EXOG: variants seen among roughly 807,000 people sequenced by gnomAD.
The protein encoded by EXOG is exo/endonuclease G, also known as nuclease EXOG, mitochondrial.
In EXOG, 27 loss-of-function variants were observed where a neutral mutation model predicts 25.8. The observed-to-expected ratio is 1.05, with a 90% CI of 0.77 to 1.45. The LOEUF (loss-of-function observed/expected upper bound fraction) is 1.45, where lower values mean the gene tolerates loss of function less well. Ranked by LOEUF, EXOG falls within the 40% of genes most tolerant of loss-of-function variation. The probability of loss-of-function intolerance (pLI) is 0.00; values close to 1 mark genes in which losing one functional copy is unlikely to be tolerated. For missense variants in EXOG, 458 were observed against 450.5 expected, an observed-to-expected ratio of 1.02 and a Z score of -0.15; for synonymous variants, 133 against 167.0, an observed-to-expected ratio of 0.80 and a Z score of 1.57.
Position 38,524,618 on chromosome 3 carries a change from G to T in EXOG, c.*256G>T. 1 of 1,145,994 alleles carries T rather than the reference G, an allele frequency of 8.7e-7. No individual in the cohort carries two copies. The highest frequency in any genetic ancestry group is 4.4e-5 in the East Asian group (1 of 22,480). 71.0% of individuals were successfully genotyped at this position (1,145,994 alleles called of 1,614,324 possible). ...CTACAGGCACACACCATCACCCTCAGCTACTAGTGGCTTTGCTTTAAAGAA... is the reference window on the plus strand; with the variant it reads ...CTACAGGCACACACCATCACCCTCATCTACTAGTGGCTTTGCTTTAAAGAA... On this transcript the variant is annotated 3_prime_UTR_variant, in exon 6 of 6. Transcript: ENST00000287675.
Position 38,501,514 on chromosome 3 carries a change from G to A in EXOG, c.453+20G>A. ...TCAAGTGTAGGCATACTTTGGGGGA[G>A]GGATGGGAATATGGGGCTGATGTTA... is the stretch of plus-strand genomic sequence containing the variant. On this transcript the variant is annotated intron_variant, in intron 3 of 5. Transcript: ENST00000287675. 1 of 1,612,456 alleles carries A rather than the reference G, an allele frequency of 6.2e-7. No homozygotes were observed. Among genetic ancestry groups the A allele is most frequent in the Non-Finnish European group, 8.5e-7 (1 of 1,178,598 alleles).
At chr3:38,504,005 C>G (rs1027846825) in intron 4 of EXOG, among the ~76,000 whole-genome samples, 9 of 152,076 alleles carry the variant, frequency 5.9e-5, no homozygotes. Flanking sequence ...TCAGTGAACA[C>G]TATTATTTTC....
rs10678824 is a variant in EXOG at position 38,514,778 on chromosome 3, C to CT, written c.645+7820dup. Among the ~76,000 whole-genome samples, 434 of 113,556 alleles carry CT rather than the reference C, an allele frequency of 3.8e-3. 5 individuals carry two copies. Among genetic ancestry groups the CT allele is most frequent in the African/African-American group, 0.011 (325 of 28,530 alleles). 74.5% of individuals were successfully genotyped at this position (113,556 alleles called of 152,430 possible). A position where few individuals can be genotyped will look rare whatever the true frequency, so the allele number is the denominator to read the frequency against. On this transcript the variant is annotated intron_variant, in intron 5 of 5. Transcript: ENST00000287675. Reference sequence around the variant, plus strand: ...TTCCACCCTCCCCCCCCTCCCCCTGCTTTTTTTTTTGAGACGGAGTTTTAC... The same window carrying CT: ...TTCCACCCTCCCCCCCCTCCCCCTGCTTTTTTTTTTTGAGACGGAGTTTTAC...
chr3:38,515,226 A>G (rs2060502575), intron 5 of EXOG, among the ~76,000 whole-genome samples: 1 of 152,180 alleles, frequency 6.6e-6, no homozygotes, highest in Non-Finnish European at 1.5e-5. Flanking sequence ...ATGTATGACA[A>G]GTTCTCTAGA....
chr3:38,497,572 G>A (rs1341708257), intron 1 of EXOG, 57 bp from the exon 2 acceptor site: 17 of 1,472,638 alleles, frequency 1.2e-5, no homozygotes, highest in Non-Finnish European at 1.4e-5. Context: ...GCCACTAATT[G>A]TGTGTGTGTG....
chr3:38,524,158 C>T lies in EXOG; in HGVS notation c.903C>T (p.Leu301=), dbSNP rs756294599. 3.1e-6 allele frequency: 5 copies of T among 1,614,036 alleles called. No individual in the cohort carries two copies. The highest frequency in any genetic ancestry group is 1.6e-4 in the Middle Eastern group (1 of 6,084). Reference sequence around the variant, plus strand: ...TCTGCTCTGTGGACACCTGTAAGCTCCTGGATTTCCAGGAGTTCACCTTGT... The same window carrying T: ...TCTGCTCTGTGGACACCTGTAAGCTTCTGGATTTCCAGGAGTTCACCTTGT... ...RNICSVDTCK[L]LDFQEFTLYL... Residue 301 remains leucine (L), a synonymous_variant, in exon 6 of 6, where the codon CTC becomes CTT. Coordinates refer to ENST00000287675, the MANE Select transcript of EXOG (RefSeq NM_005107.4).
chr3:38,521,473 T>C (rs1383655416), intron 5 of EXOG, among the ~76,000 whole-genome samples: 1 of 152,226 alleles, frequency 6.6e-6, no homozygotes, highest in Non-Finnish European at 1.5e-5. Flanking sequence ...GCAATGGGCA[T>C]GTTAATTATA....
At position 38,523,979 on chromosome 3, in the gene EXOG, G is replaced by A. The variant is rs368056983; in HGVS notation, c.724G>A (p.Glu242Lys). 6.2e-6 allele frequency: 10 copies of A among 1,613,526 alleles called. No individual in the cohort carries two copies. The highest frequency in any genetic ancestry group is 7.6e-6 in the Non-Finnish European group (9 of 1,179,808). The change falls in exon 6 of 6, where the codon GAA (glutamate) becomes AAA (lysine). Residue 242 changes from glutamate to lysine, a missense_variant. Physicochemically the swap from Glu to Lys is moderately conservative, Grantham distance 56. Coordinates refer to ENST00000287675, the MANE Select transcript of EXOG (RefSeq NM_005107.4). ...ILARRSSVST[E>K]PLALGAFVVP... is the part of the protein sequence containing the mutation. ...GGCCCGCAGAAGCTCAGTATCTACC[G>A]AACCACTGGCGCTAGGGGCCTTTGT...
chr3:38,524,508 T>C lies in EXOG; in HGVS notation c.*146T>C. 3 of 1,374,320 alleles carry C rather than the reference T, an allele frequency of 2.2e-6. No individual in the cohort carries two copies. The highest frequency in any genetic ancestry group is 2.9e-6 in the Non-Finnish European group (3 of 1,049,328). The allele number at this position is 1,374,320 out of a possible 1,614,324, so 85.1% of individuals were successfully genotyped here. A position where few individuals can be genotyped will look rare whatever the true frequency, so the allele number is the denominator to read the frequency against. ...TCTCGCCGTGTCATCCAGGCTGGAG[T>C]GCAGTGGTGGAATCATAGCTCACTA... On this transcript the variant is annotated 3_prime_UTR_variant, in exon 6 of 6. Transcript: ENST00000287675.
At chr3:38,498,677 C>T (rs1386845160) in intron 2 of EXOG, 4 of 247,638 alleles carry the variant, frequency 1.6e-5, no homozygotes, top group Non-Finnish European at 3.3e-5. Flanking sequence ...GTTGAATGTG[C>T]CATGGGATAT....
chr3:38,510,906 T>A (rs1559687156), intron 5 of EXOG, among the ~76,000 whole-genome samples: 1 of 152,110 alleles, frequency 6.6e-6, no homozygotes, highest in Non-Finnish European at 1.5e-5. Context: ...TTTCTTGTTT[T>A]TATTTTAAAG....
At chr3:38,496,985 C>T in intron 1 of EXOG, 1 of 1,064,716 alleles carries the variant, frequency 9.4e-7, no homozygotes, top group South Asian at 2.7e-5. Context: ...GAGTTAACTG[C>T]CCTTCTTTCG....
At position 38,496,685 on chromosome 3, in the gene EXOG, C is replaced by T. The variant is rs189109342; in HGVS notation, c.163+155C>T. 2,133 of 1,439,624 alleles carry T rather than the reference C, an allele frequency of 1.5e-3. 21 individuals are homozygous for T. Among genetic ancestry groups the T allele is most frequent in the Middle Eastern group, 0.013 (57 of 4,538 alleles). 89.2% of individuals were successfully genotyped at this position (1,439,624 alleles called of 1,614,324 possible). ...TCTGACCTTTATTCTCCCGGCTCGG[C>T]CTCCCTTCCCCACCTCGCGTCTCGC... On this transcript the variant is annotated intron_variant, in intron 1 of 5. Transcript: ENST00000287675.
chr3:38,522,823 A>G (rs2060762158), intron 5 of EXOG, among the ~76,000 whole-genome samples: 1 of 152,206 alleles, frequency 6.6e-6, no homozygotes, highest in Non-Finnish European at 1.5e-5. Context: ...ATTGGAAGGA[A>G]ATTTGAAAAG....
intron 5 of EXOG, among the ~76,000 whole-genome samples, chr3:38,513,205 A>C (rs369760830): frequency 3.7e-4 from 57 of 152,328 alleles, no homozygotes; most frequent in African/African-American, 1.2e-3. Flanking sequence ...AACAATTGGC[A>C]TATACTCCCA....
At position 38,526,218 on chromosome 3, in the gene EXOG, C is replaced by T. The variant is rs182064917; in HGVS notation, c.*1856C>T. 10 of 985,022 alleles carry T rather than the reference C, an allele frequency of 1.0e-5. No homozygotes were observed. The highest frequency in any genetic ancestry group is 1.1e-4 in the East Asian group (1 of 8,810). 61.0% of individuals were successfully genotyped at this position (985,022 alleles called of 1,614,324 possible). On this transcript the variant is annotated 3_prime_UTR_variant, in exon 6 of 6. Transcript: ENST00000287675. ...TCATACATACCACTGCTGTCTTTTC[C>T]GAGTGGTATTACAAGAAAGATTTTT...
At chr3:38,518,950 G>A (rs1012560180) in intron 5 of EXOG, among the ~76,000 whole-genome samples, 5 of 152,148 alleles carry the variant, frequency 3.3e-5, no homozygotes, top group African/African-American at 1.2e-4. Flanking sequence ...TCTTTGAAGC[G>A]CTCAAGTTTA....
At chr3:38,498,554 CAAAA>C (rs749459757) in intron 2 of EXOG, among the ~76,000 whole-genome samples, 15 of 123,992 alleles carry the variant, frequency 1.2e-4, no homozygotes, top group Non-Finnish European at 1.7e-5. Flanking sequence ...GAATGTGTCT[CAAAA>C]AAAAAAAAAA....
In EXOG at chr3:38,501,414, A is replaced by C. The variant is rs202058731; in HGVS notation, c.373A>C (p.Ser125Arg). 34 of 1,613,050 alleles carry C rather than the reference A, an allele frequency of 2.1e-5. No individual in the cohort carries two copies. Among genetic ancestry groups the C allele is most frequent in the Non-Finnish European group, 2.9e-5 (34 of 1,178,980 alleles). ...KPDPNIPPTF[S>R]AFNEDYVGSG... ...TGATCCCAATATCCCTCCAACCTTC[A>C]GTGCCTTCAATGAAGATTATGTTGG... The change falls in exon 3 of 6, where the codon AGT becomes CGT. Residue 125 changes from serine to arginine, a missense_variant. By Grantham distance (110) the Ser-to-Arg change is moderately radical. Transcript: ENST00000287675.
Sources: gnomAD v4.1 joint callset for allele counts (sites outside exome capture counted in the v4.1 genomes callset) on GRCh38, gnomAD v4.1.1 for gene constraint, MANE v1.5 for transcripts, NCBI Gene and HGNC (gene_info 2026-07-23, HGNC 2026-07-21) for gene names.